Variants in KCNC2 observed in about 807,000 individuals in gnomAD.
KCNC2 encodes potassium voltage-gated channel subfamily C member 2.
In KCNC2, 21 loss-of-function variants were observed where a neutral mutation model predicts 44.5. The observed-to-expected ratio is 0.47, with a 90% CI of 0.33 to 0.68. The LOEUF (loss-of-function observed/expected upper bound fraction) is 0.68, where lower values mean the gene tolerates loss of function less well. Among genes scored for constraint, KCNC2 ranks in the 30% least tolerant of loss-of-function variants. The pLI is 0.01. For missense variants in KCNC2, 589 were observed against 826.2 expected (o/e 0.71, Z 3.52); for synonymous variants, 391 against 339.1 (o/e 1.15, Z -1.68).
intron 2 of KCNC2, among the ~76,000 whole-genome samples, chr12:75,202,254 C>A (rs2031343967): frequency 6.6e-6 from 1 of 151,794 alleles, no homozygotes; most frequent in Non-Finnish European, 1.5e-5. Context: ...TTTTTGCACA[C>A]CTAATGTCCA....
rs555764618 is a variant in KCNC2, at chr12:75,093,990, A to G, written c.688-42673T>C. On this transcript the variant is annotated intron_variant, in intron 2 of 4. Transcript: ENST00000549446. ...CCTAATAATAATGCATAGGCTCGGA[A>G]CAGTACTTTACTAATCCCTTTTCTT... is the stretch of plus-strand genomic sequence containing the variant. Among the ~76,000 whole-genome samples, 12 of 151,800 alleles carry G rather than the reference A, an allele frequency of 7.9e-5. 1 individual carries two copies. In the South Asian group the frequency reaches 2.5e-3, roughly 31 times the overall value.
intron 2 of KCNC2, among the ~76,000 whole-genome samples, chr12:75,182,243 T>C (rs2471651): frequency 0.66 from 99,625 of 151,602 alleles, 34,947 homozygotes; most frequent in African/African-American, 0.91. Flanking sequence ...GCACTGACTA[T>C]GGCCGGGGGT....
intron 2 of KCNC2, among the ~76,000 whole-genome samples, chr12:75,197,684 C>T (rs754730612): frequency 1.6e-4 from 24 of 151,946 alleles, no homozygotes; most frequent in Admixed American, 1.6e-3. Context: ...GCATTAGAAA[C>T]TCTGATGCTT....
Position 75,141,048 on chromosome 12 carries a change from G to C in KCNC2, c.687+66249C>G, listed in dbSNP as rs544033431. 5.3e-5 allele frequency among the ~76,000 whole-genome samples: 8 copies of C among 152,120 alleles called. 1 individual carries two copies. In the South Asian group the frequency reaches 1.7e-3, roughly 32 times the overall value. On this transcript the variant is annotated intron_variant, in intron 2 of 4. Coordinates refer to ENST00000549446, the MANE Select transcript of KCNC2 (RefSeq NM_139137.4). ...ACTTGGGCTCATTTTCTTTGCTCTT[G>C]TCCTTAGGCAAACTGAATGAAAACT...
chr12:75,056,731 T>C (rs1881783771), intron 2 of KCNC2, among the ~76,000 whole-genome samples: 1 of 152,116 alleles, frequency 6.6e-6, no homozygotes, highest in South Asian at 2.1e-4. Flanking sequence ...TTATTTATAA[T>C]TAAAAAATAA....
intron 2 of KCNC2, among the ~76,000 whole-genome samples, chr12:75,154,527 C>G (rs911997857): frequency 3.9e-5 from 6 of 151,960 alleles, no homozygotes; most frequent in African/African-American, 1.4e-4. Flanking sequence ...GCTTCTAGGA[C>G]TCATCCCCAC....
At chr12:75,078,713 A>G (rs898459270) in intron 2 of KCNC2, among the ~76,000 whole-genome samples, 1 of 152,184 alleles carries the variant, frequency 6.6e-6, no homozygotes, top group African/African-American at 2.4e-5. Context: ...TGAGATTCCA[A>G]TCAAGTTGGT....
chr12:75,052,326 C>A (rs1282086375), intron 2 of KCNC2, among the ~76,000 whole-genome samples: 1 of 152,104 alleles, frequency 6.6e-6, no homozygotes, highest in African/African-American at 2.4e-5. Flanking sequence ...GCTGCAGATT[C>A]TGTTCCCCTC....
chr12:75,098,925 C>T (rs1886153123), intron 2 of KCNC2, among the ~76,000 whole-genome samples: 1 of 152,084 alleles, frequency 6.6e-6, no homozygotes, highest in African/African-American at 2.4e-5. Context: ...TGAGGCTTTG[C>T]CCTCAGAGAA....
chr12:75,047,700 T>G (rs1272373959), intron 4 of KCNC2, among the ~76,000 whole-genome samples: 1 of 151,970 alleles, frequency 6.6e-6, no homozygotes, highest in Non-Finnish European at 1.5e-5. Context: ...TTAGAAACAT[T>G]AGAGAACGTT....
intron 2 of KCNC2, among the ~76,000 whole-genome samples, chr12:75,092,494 T>C (rs2137136586): frequency 6.6e-6 from 1 of 151,798 alleles, no homozygotes; most frequent in African/African-American, 2.4e-5. Context: ...AAAGCTTATT[T>C]TTCATTGCCT....
At chr12:75,052,045 A>C (rs1271704877) in intron 2 of KCNC2, among the ~76,000 whole-genome samples, 2 of 152,096 alleles carry the variant, frequency 1.3e-5, no homozygotes, top group East Asian at 3.9e-4. Flanking sequence ...GAGTTTTCTT[A>C]AATTCAATTC....
In KCNC2 at chr12:75,096,002, G is replaced by T. The variant is rs115068219; in HGVS notation, c.688-44685C>A. ...TTACTTACATTTGTAATTTAGAATG[G>T]CTTTGGTAAAATTGAAAAACTACTA... On this transcript the variant is annotated intron_variant, in intron 2 of 4. Transcript: ENST00000549446. 4.5e-3 allele frequency among the ~76,000 whole-genome samples: 679 copies of T among 151,952 alleles called. 8 individuals are homozygous for T. Among genetic ancestry groups the T allele is most frequent in the African/African-American group, 0.016 (658 of 41,512 alleles).
In KCNC2 at chr12:75,051,189, T is replaced by C. The variant is rs751366733; in HGVS notation, c.816A>G (p.Leu272=). 9.3e-6 allele frequency: 15 copies of C among 1,613,612 alleles called. No homozygotes were observed. The South Asian group carries it at 1.5e-4, about 17-fold the overall frequency. Residue 272 remains leucine (L), a synonymous_variant, in exon 3 of 5, where the codon CTA becomes CTG. Coordinates refer to ENST00000549446, the MANE Select transcript of KCNC2 (RefSeq NM_139137.4). ...CAGGATCCGTTTCAATTTCATACTG[T>C]AGAACAACACTTGTGCCATTGATGA... is the stretch of plus-strand genomic sequence containing the variant. ...EPVINGTSVV[L]QYEIETDPAL...
chr12:75,073,083 A>G (rs1565829873), intron 2 of KCNC2, among the ~76,000 whole-genome samples: 1 of 152,194 alleles, frequency 6.6e-6, no homozygotes, highest in Non-Finnish European at 1.5e-5. Context: ...ATAATTCTGC[A>G]TGGATTGTTT....
chr12:75,076,735 C>T (rs1333453924), intron 2 of KCNC2, among the ~76,000 whole-genome samples: 2 of 152,158 alleles, frequency 1.3e-5, no homozygotes, highest in South Asian at 2.1e-4. Context: ...ATACACACTA[C>T]TGTATTTTCT....
chr12:75,104,644 T>G (rs1008835236), intron 2 of KCNC2, among the ~76,000 whole-genome samples: 2 of 152,160 alleles, frequency 1.3e-5, no homozygotes, highest in African/African-American at 4.8e-5. Context: ...ATAATAAACT[T>G]TTACCTAGAA....
At chr12:75,043,677 T>C in intron 4 of KCNC2, 3 of 1,352,192 alleles carry the variant, frequency 2.2e-6, no homozygotes, top group Non-Finnish European at 2.9e-6. Flanking sequence ...CAATAAAGCA[T>C]ACTTAAGTTT....
chr12:75,117,458 G>C (rs2471639), intron 2 of KCNC2, among the ~76,000 whole-genome samples: 93,990 of 152,038 alleles, frequency 0.62, 31,258 homozygotes, highest in African/African-American at 0.87. Context: ...CTCATGGGTA[G>C]TCTCGAAGAG....
Sources: gnomAD v4.1 joint callset for allele counts (sites outside exome capture counted in the v4.1 genomes callset) on GRCh38, gnomAD v4.1.1 for gene constraint, MANE v1.5 for transcripts, NCBI Gene and HGNC (gene_info 2026-07-23, HGNC 2026-07-21) for gene names.